The following PEBP1 variants were observed in gnomAD, a reference collection of about 807,000 sequenced individuals.
PEBP1 encodes the protein phosphatidylethanolamine binding protein 1.
Under a neutral mutation model 22.7 loss-of-function variants are expected in PEBP1, and 17 were observed. That is an observed-to-expected ratio of 0.75 (90% CI 0.51 to 1.12). PEBP1 has a LOEUF of 1.12. PEBP1 is among the 50% of genes most tolerant of loss of function. PEBP1 has a pLI of 0.00. For synonymous variants in PEBP1, 106 were observed against 104.3 expected (o/e 1.02, Z -0.10); for missense variants, 205 against 243.5 (o/e 0.84, Z 1.05).
chr12:118,138,545 C>T (rs2034086844), intron 2 of PEBP1, among the ~76,000 whole-genome samples: 1 of 151,986 alleles, frequency 6.6e-6, no homozygotes, highest in African/African-American at 2.4e-5. Flanking sequence ...ATTACAAGCG[C>T]CCACCACCAT....
rs1289629001 is a variant in PEBP1 at position 118,139,456 on chromosome 12, G to A, written c.251G>A (p.Trp84Ter). ...PSRKDPKYRE[W>*]HHFLVVNMKG... ...TCCCGTGTTTCTTCATGCAGAGAAT[G>A]GCATCATTTCCTGGTGGTCAACATG... The change falls in exon 3 of 4, where the codon TGG becomes TAG. Residue 84 changes from tryptophan to a stop codon, truncating the protein, a stop_gained. Coordinates refer to ENST00000261313, the MANE Select transcript of PEBP1 (RefSeq NM_002567.4). LOFTEE classifies it high-confidence loss of function. The A allele has an allele frequency of 1.2e-6, 2 of 1,609,858 alleles. No homozygotes were observed. Among genetic ancestry groups the A allele is most frequent in the African/African-American group, 1.3e-5 (1 of 74,914 alleles).
At chr12:118,144,415 A>C (rs1592929938) in intron 3 of PEBP1, among the ~76,000 whole-genome samples, 171 bp from the exon 4 acceptor site, 1 of 152,130 alleles carries the variant, frequency 6.6e-6, no homozygotes, top group African/African-American at 2.4e-5. Flanking sequence ...TTAATGTGTT[A>C]ATTGCCATTA....
chr12:118,139,331 A>G, intron 2 of PEBP1, 120 bp from the exon 3 acceptor site: 1 of 647,528 alleles, frequency 1.5e-6, no homozygotes, highest in Admixed American at 2.4e-5. Context: ...AAAAAAAGAA[A>G]GGACTGTTGT....
At position 118,145,419 on chromosome 12, in the gene PEBP1, T is replaced by C; in HGVS notation, c.*616T>C. On this transcript the variant is annotated 3_prime_UTR_variant, in exon 4 of 4. Transcript: ENST00000261313. ...TTGCTGTTGTTGGGACATGGCAATC[T>C]AGACCGGTAGCAGCGCTCGCTGACA... 5.9e-6 allele frequency: 1 copy of C among 168,096 alleles called. No individual in the cohort carries two copies. The highest frequency in any genetic ancestry group is 1.3e-5 in the Non-Finnish European group (1 of 77,428). 10.4% of individuals were successfully genotyped at this position (168,096 alleles called of 1,614,324 possible).
Position 118,138,034 on chromosome 12 carries a change from T to C in PEBP1, c.136-5T>C. The C allele has an allele frequency of 6.2e-7, 1 of 1,606,772 alleles. No homozygotes were observed. On this transcript the variant is annotated splice_polypyrimidine_tract_variant and splice_region_variant and intron_variant, in intron 1 of 3. Coordinates refer to ENST00000261313, the MANE Select transcript of PEBP1 (RefSeq NM_002567.4). Reference sequence around the variant, plus strand: ...TTTTTACTGCAAACTGGTTCCTTCATACAGGTTAAGAATAGACCCACCAGC... The same window carrying C: ...TTTTTACTGCAAACTGGTTCCTTCACACAGGTTAAGAATAGACCCACCAGC...
rs1212279637 is a variant in PEBP1, at chr12:118,144,942, G to T, written c.*139G>T. ...CCTGACCAGTCAGATGGTAGTTGAG[G>T]GTGACTTTTCCTGCTGCCTGGCCTT... On this transcript the variant is annotated 3_prime_UTR_variant, in exon 4 of 4. Coordinates refer to ENST00000261313, the MANE Select transcript of PEBP1 (RefSeq NM_002567.4). 22 of 1,545,168 alleles carry T rather than the reference G, an allele frequency of 1.4e-5. No individual in the cohort carries two copies. The highest frequency in any genetic ancestry group is 1.6e-5 in the Non-Finnish European group (19 of 1,151,820).
Position 118,144,766 on chromosome 12 carries a change from ATG to A in PEBP1, c.530_531del (p.Val177AlafsTer14). 6.2e-7 allele frequency: 1 copy of A among 1,614,112 alleles called. No individual in the cohort carries two copies. The highest frequency in any genetic ancestry group is 2.2e-5 in the East Asian group (1 of 44,866). On this transcript the variant is annotated frameshift_variant, in exon 4 of 4. Transcript: ENST00000261313. LOFTEE classifies it high-confidence loss of function. ...TGTTACCAGGCCGAGTGGGATGACTATGTGCCCAAACTGTACGAGCAGCTGTC... is the reference window on the plus strand; with the variant it reads ...TGTTACCAGGCCGAGTGGGATGACTATGCCCAAACTGTACGAGCAGCTGTC...
intron 3 of PEBP1, among the ~76,000 whole-genome samples, chr12:118,139,928 C>G (rs2034100688): frequency 6.6e-6 from 1 of 152,164 alleles, no homozygotes. Flanking sequence ...TTCTTTAAAA[C>G]ATTTCAGAAA....
chr12:118,139,348 CTG>C (rs1345526651), intron 2 of PEBP1, 101 bp from the exon 3 acceptor site: 1 of 730,884 alleles, frequency 1.4e-6, no homozygotes, highest in Admixed American at 1.9e-5. Context: ...TTGTTCGTGG[CTG>C]TGTTGTGGCA....
At position 118,144,642 on chromosome 12, in the gene PEBP1, G is replaced by A. The variant is rs1051566749; in HGVS notation, c.403G>A (p.Glu135Lys). 1.7e-5 allele frequency: 27 copies of A among 1,613,956 alleles called. No individual in the cohort carries two copies. Among genetic ancestry groups the A allele is most frequent in the Non-Finnish European group, 2.3e-5 (27 of 1,180,022 alleles). Residue 135 changes from glutamate (E) to lysine (K), a missense_variant, in exon 4 of 4, where the codon GAG becomes AAG. Transcript: ENST00000261313. ...GCAGGACAGGCCGCTAAAGTGTGAC[G>A]AGCCCATCCTCAGCAACCGATCTGG... ...YEQDRPLKCD[E>K]PILSNRSGDH...
At position 118,136,470 on chromosome 12, in the gene PEBP1, C is replaced by T. The variant is rs985764246; in HGVS notation, c.135+126C>T. ...GGTTCAGCCTGCGTGTGTCGAGGCC[C>T]CCCCAGGCCAGAGGTCCCGGGGTCC... is the stretch of plus-strand genomic sequence containing the variant. On this transcript the variant is annotated intron_variant, in intron 1 of 3. Coordinates refer to ENST00000261313, the MANE Select transcript of PEBP1 (RefSeq NM_002567.4). This position sits in a 1 kb window ranked among gnomAD's most constrained non-coding sequence, Gnocchi z 5.6. The T allele has an allele frequency of 8.5e-7, 1 of 1,179,606 alleles. No individual in the cohort carries two copies. Among genetic ancestry groups the T allele is most frequent in the Non-Finnish European group, 1.1e-6 (1 of 872,226 alleles). 73.1% of individuals were successfully genotyped at this position (1,179,606 alleles called of 1,614,324 possible). A position where few individuals can be genotyped will look rare whatever the true frequency, so the allele number is the denominator to read the frequency against.
intron 3 of PEBP1, among the ~76,000 whole-genome samples, chr12:118,140,974 T>C (rs2138085751): frequency 6.6e-6 from 1 of 152,192 alleles, no homozygotes; most frequent in South Asian, 2.1e-4. Context: ...ATGTGATCAA[T>C]GCATACACCC....
At chr12:118,141,226 T>C (rs573655696) in intron 3 of PEBP1, among the ~76,000 whole-genome samples, 24 of 152,078 alleles carry the variant, frequency 1.6e-4, no homozygotes, top group Non-Finnish European at 2.4e-4. Flanking sequence ...AAATGATTCT[T>C]CTGCCTCAGC....
At chr12:118,137,030 C>T (rs1213775261) in intron 1 of PEBP1, among the ~76,000 whole-genome samples, 1 of 152,192 alleles carries the variant, frequency 6.6e-6, no homozygotes, top group East Asian at 1.9e-4. Context: ...TTTGGATGTT[C>T]ACAGAATTTA....
intron 2 of PEBP1, 61 bp from the exon 3 acceptor site, chr12:118,139,390 A>C: frequency 9.0e-7 from 1 of 1,108,818 alleles, no homozygotes; most frequent in Non-Finnish European, 1.4e-6. Flanking sequence ...CCAGTTGCTG[A>C]CTGTGCAGTG....
Position 118,144,702 on chromosome 12 carries a change from C to G in PEBP1, c.463C>G (p.Arg155Gly). The G allele has an allele frequency of 6.2e-7, 1 of 1,614,080 alleles. No individual in the cohort carries two copies. Among genetic ancestry groups the G allele is most frequent in the Non-Finnish European group, 8.5e-7 (1 of 1,180,030 alleles). ...HRGKFKVASF[R>G]KKYELRAPVA... The stretch of plus-strand genomic sequence containing the variant: ...TGGCAAATTCAAGGTGGCGTCCTTC[C>G]GTAAAAAGTATGAGCTCAGGGCCCC... Residue 155 changes from arginine (R) to glycine (G), a missense_variant, in exon 4 of 4, where the codon CGT becomes GGT. Physicochemically the swap from Arg to Gly is moderately radical, Grantham distance 125. Transcript: ENST00000261313.
At chr12:118,139,788 C>CT (rs2034099419) in intron 3 of PEBP1, among the ~76,000 whole-genome samples, 1 of 151,806 alleles carries the variant, frequency 6.6e-6, no homozygotes, top group Non-Finnish European at 1.5e-5. Flanking sequence ...ACCCCTAGCC[C>CT]TTTAGCAAGC....
rs181857816 is a variant in PEBP1, at chr12:118,142,557, G to A, written c.347-2029G>A. 4.0e-5 allele frequency among the ~76,000 whole-genome samples: 6 copies of A among 150,912 alleles called. No individual in the cohort carries two copies. The East Asian group carries it at 1.2e-3, about 30-fold the overall frequency. ...AGTGGTGTGATCTCAGCTCACTTCA[G>A]CCTCCACCTCCCAGGTTCAAGTGAT... On this transcript the variant is annotated intron_variant, in intron 3 of 3. Coordinates refer to ENST00000261313, the MANE Select transcript of PEBP1 (RefSeq NM_002567.4).
At position 118,144,974 on chromosome 12, in the gene PEBP1, T is replaced by G; in HGVS notation, c.*171T>G. ...TTTCCTGCTGCCTGGCCTTTATAAT[T>G]TTACTCACTCACTCTGATTTATGTT... is the stretch of plus-strand genomic sequence containing the variant. On this transcript the variant is annotated 3_prime_UTR_variant, in exon 4 of 4. Transcript: ENST00000261313. The G allele has an allele frequency of 6.5e-7, 1 of 1,528,894 alleles. No individual in the cohort carries two copies. Among genetic ancestry groups the G allele is most frequent in the Non-Finnish European group, 8.7e-7 (1 of 1,142,964 alleles). The allele number at this position is 1,528,894 out of a possible 1,614,324, so 94.7% of individuals were successfully genotyped here.
Sources: allele counts gnomAD v4.1 joint callset (sites outside exome capture counted in the v4.1 genomes callset), GRCh38; gene constraint gnomAD v4.1.1; non-coding constraint Gnocchi (gnomAD v3.1); transcripts MANE v1.5; gene names NCBI Gene and HGNC (gene_info 2026-07-23, HGNC 2026-07-21).